Variants in PRKCE observed in about 807,000 individuals in gnomAD.
The protein encoded by PRKCE is protein kinase C epsilon type.
Under a neutral mutation model 85.4 loss-of-function variants are expected in PRKCE, and 16 were observed. That is an observed-to-expected ratio of 0.19 (90% CI 0.13 to 0.28). The LOEUF is 0.28. Among genes scored for constraint, PRKCE ranks in the 10% least tolerant of loss-of-function variants. PRKCE has a pLI of 1.00. For synonymous variants in PRKCE, 388 were observed against 371.5 expected, an observed-to-expected ratio of 1.04 and a Z score of -0.51; for missense variants, 573 against 975.2, an observed-to-expected ratio of 0.59 and a Z score of 5.49.
chr2:45,948,971 C>A (rs1700427468), intron 2 of PRKCE, among the ~76,000 whole-genome samples: 1 of 152,204 alleles, frequency 6.6e-6, no homozygotes, highest in Admixed American at 6.5e-5. Context: ...CCTCGAATGA[C>A]AATACAGTAT....
At chr2:46,075,965 A>G (rs1668522434) in intron 10 of PRKCE, among the ~76,000 whole-genome samples, 1 of 152,200 alleles carries the variant, frequency 6.6e-6, no homozygotes, top group Non-Finnish European at 1.5e-5. Context: ...GCCATGCCCC[A>G]CGAATGGCAA....
In PRKCE at chr2:46,149,891, CTG is replaced by C. The variant is rs373244883; in HGVS notation, c.1732-1148_1732-1147del. 3.0e-3 allele frequency among the ~76,000 whole-genome samples: 449 copies of C among 149,642 alleles called. 3 individuals carry two copies. The Middle Eastern group carries it at 0.05, about 17-fold the overall frequency. ...TTTTTTTTTGAGATAGGGTCTCACT[CTG>C]TTACCCAGGTTGAAGTGCAGTCGCA... On this transcript the variant is annotated intron_variant, in intron 12 of 14. Transcript: ENST00000306156.
chr2:45,921,581 G>T (rs1698253758), intron 2 of PRKCE, among the ~76,000 whole-genome samples: 1 of 152,210 alleles, frequency 6.6e-6, no homozygotes, highest in African/African-American at 2.4e-5. Context: ...CAAGGTCCTA[G>T]CTGGTAAGTG....
chr2:45,655,269 T>G (rs1675323977), intron 1 of PRKCE, among the ~76,000 whole-genome samples: 1 of 152,212 alleles, frequency 6.6e-6, no homozygotes, highest in East Asian at 1.9e-4. Flanking sequence ...CCATGGCCTG[T>G]TAGCCACATG....
chr2:46,133,283 A>C (rs550544231), intron 11 of PRKCE, among the ~76,000 whole-genome samples: 1 of 152,172 alleles, frequency 6.6e-6, no homozygotes, highest in Admixed American at 6.5e-5. Context: ...ACTTGGAGCT[A>C]CAAATCACTG....
intron 2 of PRKCE, among the ~76,000 whole-genome samples, chr2:45,919,968 C>G (rs915842029): frequency 2.0e-5 from 3 of 152,164 alleles, no homozygotes; most frequent in African/African-American, 7.2e-5. Flanking sequence ...GAGGAGGAGG[C>G]TTGAGACCTG....
chr2:46,122,150 C>G (rs1445029998), intron 11 of PRKCE, among the ~76,000 whole-genome samples: 2 of 152,156 alleles, frequency 1.3e-5, no homozygotes, highest in Non-Finnish European at 2.9e-5. Flanking sequence ...CCCCACTGCC[C>G]GGAGAGGTAG....
At chr2:45,846,257 C>T (rs6761356) in intron 2 of PRKCE, among the ~76,000 whole-genome samples, 109,231 of 152,072 alleles carry the variant, frequency 0.72, 39,312 homozygotes, top group African/African-American at 0.75. Flanking sequence ...TATTTCTTCC[C>T]TTCATATGAT....
intron 2 of PRKCE, among the ~76,000 whole-genome samples, chr2:45,861,187 G>A (rs922574498): frequency 2.6e-5 from 4 of 152,128 alleles, no homozygotes; most frequent in Non-Finnish European, 5.9e-5. Context: ...ATGCTCCTTC[G>A]TGCTGGGGCT....
chr2:45,918,308 G>T (rs974386324), intron 2 of PRKCE, among the ~76,000 whole-genome samples: 4 of 152,242 alleles, frequency 2.6e-5, no homozygotes, highest in African/African-American at 4.8e-5. Flanking sequence ...CCCAGCAAGG[G>T]TGGGGACTGT....
intron 2 of PRKCE, among the ~76,000 whole-genome samples, chr2:45,870,410 A>G (rs1310530458): frequency 6.6e-6 from 1 of 152,218 alleles, no homozygotes; most frequent in Non-Finnish European, 1.5e-5. Context: ...CTTGTTTTAA[A>G]GGTATAACTG....
chr2:45,873,115 G>A (rs2122110), intron 2 of PRKCE, among the ~76,000 whole-genome samples: 27,313 of 152,200 alleles, frequency 0.18, 2,808 homozygotes, highest in Non-Finnish European at 0.24. Flanking sequence ...TTAAACTGGA[G>A]CGATGGCTCT....
intron 1 of PRKCE, among the ~76,000 whole-genome samples, chr2:45,797,062 G>A (rs1427269141): frequency 1.3e-5 from 2 of 152,190 alleles, no homozygotes; most frequent in Non-Finnish European, 2.9e-5. Context: ...CAGTGTTTCA[G>A]ACAAAGCAGC....
At chr2:45,968,938 G>C (rs951855322) in intron 2 of PRKCE, among the ~76,000 whole-genome samples, 4 of 151,956 alleles carry the variant, frequency 2.6e-5, no homozygotes, top group African/African-American at 9.7e-5. Context: ...AAACGGGCCA[G>C]GTGAAGTTAG....
intron 2 of PRKCE, among the ~76,000 whole-genome samples, chr2:45,965,655 T>A (rs1434351017): frequency 2.0e-5 from 3 of 152,236 alleles, no homozygotes; most frequent in Non-Finnish European, 4.4e-5. Flanking sequence ...AGCCATGGGT[T>A]ATCCCTTTGT....
At chr2:46,050,754 C>CG (rs887003255) in intron 10 of PRKCE, among the ~76,000 whole-genome samples, 3 of 152,202 alleles carry the variant, frequency 2.0e-5, no homozygotes, top group African/African-American at 7.2e-5. Context: ...TTTTTCCCCC[C>CG]CAGCCACGTC....
chr2:45,874,722 T>G (rs1407573447), intron 2 of PRKCE, among the ~76,000 whole-genome samples: 1 of 152,194 alleles, frequency 6.6e-6, no homozygotes, highest in Non-Finnish European at 1.5e-5. Flanking sequence ...AGCTGGTGGC[T>G]TAGGAGTCCA....
At chr2:45,723,119 A>G (rs1035470860) in intron 1 of PRKCE, among the ~76,000 whole-genome samples, 2 of 152,188 alleles carry the variant, frequency 1.3e-5, no homozygotes, top group African/African-American at 4.8e-5. Flanking sequence ...AAACAAAAAG[A>G]TAAGTTAACA....
chr2:45,768,897 C>G (rs991431533), intron 1 of PRKCE, among the ~76,000 whole-genome samples: 1 of 152,202 alleles, frequency 6.6e-6, no homozygotes, highest in Admixed American at 6.5e-5. Context: ...ACTCAATGGA[C>G]AACTTCATAT....
Sources: gnomAD v4.1 joint callset for allele counts (sites outside exome capture counted in the v4.1 genomes callset) on GRCh38, gnomAD v4.1.1 for gene constraint, MANE v1.5 for transcripts, NCBI Gene and HGNC (gene_info 2026-07-23, HGNC 2026-07-21) for gene names.